LRRC7: variants seen among roughly 807,000 people sequenced by gnomAD.
LRRC7 encodes leucine-rich repeat-containing protein 7.
LRRC7 carries 23 observed loss-of-function variants against 175.7 expected under a neutral mutation model. The ratio of observed to expected loss-of-function variants is 0.13; its 90% CI spans 0.09 to 0.19. LRRC7 has a LOEUF of 0.19. Among genes scored for constraint, LRRC7 ranks in the 10% least tolerant of loss-of-function variants. The pLI is 1.00. For missense variants in LRRC7, 1,354 were observed against 1,904.7 expected (o/e 0.71, Z 5.38); for synonymous variants, 685 against 680.9 (o/e 1.01, Z -0.09).
intron 7 of LRRC7, among the ~76,000 whole-genome samples, chr1:69,916,605 C>G (rs970668716): frequency 5.3e-5 from 8 of 152,018 alleles, no homozygotes; most frequent in African/African-American, 1.9e-4. Flanking sequence ...GCCTCCTTGG[C>G]AACTATCAAT....
Position 70,122,201 on chromosome 1 carries a change from A to G in LRRC7, c.*314A>G, listed in dbSNP as rs1666246553. 5.0e-6 allele frequency: 1 copy of G among 201,636 alleles called. No individual in the cohort carries two copies. The highest frequency in any genetic ancestry group is 1.5e-4 in the East Asian group (1 of 6,864). 12.5% of individuals were successfully genotyped at this position (201,636 alleles called of 1,614,324 possible). A position where few individuals can be genotyped will look rare whatever the true frequency, so the allele number is the denominator to read the frequency against. On this transcript the variant is annotated 3_prime_UTR_variant, in exon 27 of 27. Coordinates refer to ENST00000651989, the MANE Select transcript of LRRC7 (RefSeq NM_001370785.2). ...ATTTCATATAATTTCGGAGCACGGA[A>G]GCACACACAAGCTCTTTATGAATTC... is the stretch of plus-strand genomic sequence containing the variant.
intron 8 of LRRC7, among the ~76,000 whole-genome samples, chr1:69,943,895 G>T (rs1649001862): frequency 6.9e-6 from 1 of 145,918 alleles, no homozygotes; most frequent in Admixed American, 6.9e-5. Flanking sequence ...TTCCAAATAG[G>T]AAACAATAAA....
intron 1 of LRRC7, among the ~76,000 whole-genome samples, chr1:69,592,306 A>G (rs1377503073): frequency 1.3e-5 from 2 of 152,114 alleles, no homozygotes; most frequent in African/African-American, 2.4e-5. Context: ...GATTCAAAAG[A>G]ACATAAGAAC....
At chr1:69,903,677 TAG>T (rs1441797049) in intron 7 of LRRC7, among the ~76,000 whole-genome samples, 8 of 151,656 alleles carry the variant, frequency 5.3e-5, no homozygotes, top group African/African-American at 1.9e-4. Context: ...TTGAAGGAGA[TAG>T]AGACACAAAA....
intron 1 of LRRC7, among the ~76,000 whole-genome samples, chr1:69,656,476 T>C (rs1276946500): frequency 6.6e-6 from 1 of 152,030 alleles, no homozygotes; most frequent in African/African-American, 2.4e-5. Context: ...GGTAGACTAA[T>C]GCTGTTTTGA....
intron 1 of LRRC7, among the ~76,000 whole-genome samples, chr1:69,671,422 G>T (rs1659058923): frequency 6.6e-6 from 1 of 152,074 alleles, no homozygotes. Context: ...CAGGAGGAAG[G>T]AGTGAGTCTC....
Position 69,568,559 on chromosome 1 carries a change from C to A in LRRC7, c.-81C>A, listed in dbSNP as rs984932564. 6.9e-6 allele frequency: 9 copies of A among 1,310,970 alleles called. No individual in the cohort carries two copies. The highest frequency in any genetic ancestry group is 9.1e-6 in the Non-Finnish European group (9 of 988,586). The allele number at this position is 1,310,970 out of a possible 1,614,324, so 81.2% of individuals were successfully genotyped here. The stretch of plus-strand genomic sequence containing the variant: ...CCCTGGCGCCCACTCCACTGCGGAC[C>A]CCTGAACACTTAAGGAATAACCCTT... On this transcript the variant is annotated 5_prime_UTR_variant, in exon 1 of 27. Transcript: ENST00000651989.
chr1:69,788,845 T>G (rs116105936), intron 3 of LRRC7, among the ~76,000 whole-genome samples: 1,907 of 152,278 alleles, frequency 0.013, 33 homozygotes, highest in African/African-American at 0.043. Flanking sequence ...TAATTAAAAC[T>G]TAAACATCTG....
intron 2 of LRRC7, among the ~76,000 whole-genome samples, chr1:69,718,164 G>GAAAGAAAGAAAGAAAGAAAT (rs1316009827): frequency 6.7e-6 from 1 of 149,570 alleles, no homozygotes; most frequent in East Asian, 2.0e-4. Flanking sequence ...AAGAAAGAAA[G>GAAAGAAAGAAAGAAAGAAAT]AAAGAAAGAA....
intron 7 of LRRC7, among the ~76,000 whole-genome samples, chr1:69,879,220 A>AC (rs1686333853): frequency 3.4e-4 from 42 of 122,152 alleles, no homozygotes; most frequent in African/African-American, 1.1e-3. Context: ...TTTAAAAAAA[A>AC]AAAAAAAAAA....
chr1:69,655,269 C>T (rs902435297), intron 1 of LRRC7, among the ~76,000 whole-genome samples: 7 of 151,894 alleles, frequency 4.6e-5, no homozygotes, highest in African/African-American at 1.7e-4. Flanking sequence ...CCCAAACCAA[C>T]CTGTGTTTTA....
chr1:69,597,958 T>C (rs966071), intron 1 of LRRC7, among the ~76,000 whole-genome samples: 23,015 of 152,136 alleles, frequency 0.15, 1,918 homozygotes, highest in Admixed American at 0.19. Flanking sequence ...TCAACTACCT[T>C]TCAAAATAAT....
At chr1:70,069,599 GCTTGCTTCTTGAATT>G (rs1482046383) in intron 23 of LRRC7, among the ~76,000 whole-genome samples, 13 of 151,912 alleles carry the variant, frequency 8.6e-5, no homozygotes, top group African/African-American at 3.1e-4. Context: ...TTTCCTTCTT[GCTTGCTTCTTGAATT>G]CTTGCTTCTT....
chr1:69,940,066 T>C (rs539730319), intron 8 of LRRC7, among the ~76,000 whole-genome samples: 12 of 152,190 alleles, frequency 7.9e-5, no homozygotes, highest in African/African-American at 2.4e-4. Flanking sequence ...AATAAATAAA[T>C]CTGCAGTCCC....
chr1:69,755,000 G>A (rs568243830), intron 2 of LRRC7, among the ~76,000 whole-genome samples: 1 of 152,024 alleles, frequency 6.6e-6, no homozygotes, highest in South Asian at 2.1e-4. Context: ...CAGTGTCTGG[G>A]TAGAGAAAGT....
At chr1:69,629,765 GTAAA>G (rs1188056235) in intron 1 of LRRC7, among the ~76,000 whole-genome samples, 3 of 152,092 alleles carry the variant, frequency 2.0e-5, no homozygotes, top group Admixed American at 6.6e-5. Flanking sequence ...GTAGAGGAAA[GTAAA>G]TAATGCATAG....
chr1:70,099,938 T>G (rs1467994682), intron 25 of LRRC7, among the ~76,000 whole-genome samples: 1 of 152,160 alleles, frequency 6.6e-6, no homozygotes, highest in Admixed American at 6.6e-5. Context: ...TATTTTTTCC[T>G]AAGAGTCCAG....
chr1:69,996,213 G>A (rs1290164009), intron 11 of LRRC7, among the ~76,000 whole-genome samples: 1 of 152,004 alleles, frequency 6.6e-6, no homozygotes, highest in African/African-American at 2.4e-5. Context: ...TTTGAGAAGT[G>A]TCTGTTCATG....
intron 2 of LRRC7, among the ~76,000 whole-genome samples, chr1:69,696,746 A>G (rs1406891590): frequency 6.6e-6 from 1 of 152,012 alleles, no homozygotes; most frequent in African/African-American, 2.4e-5. Flanking sequence ...GTGAGACGTG[A>G]TTGTTTAAAA....
Sources: allele counts gnomAD v4.1 joint callset (sites outside exome capture counted in the v4.1 genomes callset), GRCh38; gene constraint gnomAD v4.1.1; transcripts MANE v1.5; gene names NCBI Gene and HGNC (gene_info 2026-07-23, HGNC 2026-07-21).